The following CTNNA3 variants were observed in gnomAD, a reference collection of about 807,000 sequenced individuals.
CTNNA3 encodes catenin alpha-3.
Under a neutral mutation model 95.7 loss-of-function variants are expected in CTNNA3, and 76 were observed. The ratio of observed to expected loss-of-function variants is 0.79; its 90% CI spans 0.66 to 0.96. CTNNA3 has a LOEUF of 0.96. Ranked by LOEUF, CTNNA3 falls within the 40% of genes least tolerant of loss-of-function variation. The probability of loss-of-function intolerance (pLI) is 0.00; values close to 1 mark genes in which losing one functional copy is unlikely to be tolerated. For missense variants in CTNNA3, 1,191 were observed against 1,089.8 expected, an observed-to-expected ratio of 1.09 and a Z score of -1.31; for synonymous variants, 431 against 374.4, an observed-to-expected ratio of 1.15 and a Z score of -1.74.
At chr10:66,007,279 A>C (rs756794972) in intron 15 of CTNNA3, among the ~76,000 whole-genome samples, 7 of 152,192 alleles carry the variant, frequency 4.6e-5, no homozygotes, top group Admixed American at 3.9e-4. Flanking sequence ...AATCAGCCTT[A>C]GTTCAGACGT....
chr10:67,105,940 A>G (rs1252346611), intron 7 of CTNNA3, among the ~76,000 whole-genome samples: 2 of 152,188 alleles, frequency 1.3e-5, no homozygotes, highest in African/African-American at 4.8e-5. Flanking sequence ...ACTTAAGTTC[A>G]GTGTATTGGA....
chr10:66,678,260 T>C lies in CTNNA3; in HGVS notation c.1282-56476A>G, dbSNP rs1177810627. Among the ~76,000 whole-genome samples, 8 of 152,288 alleles carry C rather than the reference T, an allele frequency of 5.3e-5. No homozygotes were observed. The South Asian group carries it at 1.0e-3, about 20-fold the overall frequency. The stretch of plus-strand genomic sequence containing the variant: ...TCCCTGACCTAGTAGTTCCCTCATC[T>C]ATGCTTTTGTGCTCTCATAATTATC... On this transcript the variant is annotated intron_variant, in intron 9 of 17. Transcript: ENST00000433211.
At chr10:66,231,306 T>C (rs2089576996) in intron 13 of CTNNA3, among the ~76,000 whole-genome samples, 1 of 152,206 alleles carries the variant, frequency 6.6e-6, no homozygotes, top group South Asian at 2.1e-4. Context: ...TATGCATATA[T>C]GATACTATAT....
At chr10:67,249,426 G>A (rs1437247201) in intron 5 of CTNNA3, among the ~76,000 whole-genome samples, 3 of 152,138 alleles carry the variant, frequency 2.0e-5, no homozygotes, top group Non-Finnish European at 2.9e-5. Flanking sequence ...CCTATCATAC[G>A]CTTTAAATCA....
intron 13 of CTNNA3, among the ~76,000 whole-genome samples, chr10:66,210,188 T>C (rs750171684): frequency 1.3e-5 from 2 of 151,766 alleles, no homozygotes; most frequent in Non-Finnish European, 2.9e-5. Flanking sequence ...CTTTAGGCAT[T>C]AAAAATAAAC....
intron 15 of CTNNA3, among the ~76,000 whole-genome samples, chr10:65,996,665 A>T (rs947814745): frequency 6.6e-6 from 1 of 152,138 alleles, no homozygotes; most frequent in Non-Finnish European, 1.5e-5. Context: ...TATGGTCTGC[A>T]GGGGTCAAGG....
At chr10:67,716,122 T>G (rs1181147123) in intron 1 of CTNNA3, among the ~76,000 whole-genome samples, 1 of 152,150 alleles carries the variant, frequency 6.6e-6, no homozygotes, top group Non-Finnish European at 1.5e-5. Flanking sequence ...TTAAAATCAA[T>G]TCATGTTATC....
At chr10:66,107,905 G>A (rs1589423895) in intron 13 of CTNNA3, among the ~76,000 whole-genome samples, 1 of 152,214 alleles carries the variant, frequency 6.6e-6, no homozygotes, top group African/African-American at 2.4e-5. Context: ...TCAGAATTAT[G>A]TTTGAATTCT....
In CTNNA3 at chr10:66,179,383, A is replaced by G. The variant is rs1259900656; in HGVS notation, c.1885-76134T>C. Among the ~76,000 whole-genome samples the G allele has an allele frequency of 2.6e-5, 4 of 152,178 alleles. No homozygotes were observed. The East Asian group carries it at 7.7e-4, about 29-fold the overall frequency. ...TGGTTGAGGAAGGGTTGGGAGTTGG[A>G]GGGAAGTATATGTGGCTATAAAGGG... On this transcript the variant is annotated intron_variant, in intron 13 of 17. Coordinates refer to ENST00000433211, the MANE Select transcript of CTNNA3 (RefSeq NM_013266.4).
At chr10:66,893,670 A>T (rs1210813968) in intron 7 of CTNNA3, among the ~76,000 whole-genome samples, 1 of 152,152 alleles carries the variant, frequency 6.6e-6, no homozygotes, top group East Asian at 1.9e-4. Context: ...CTGTCCAGCA[A>T]ATCAATGGGG....
chr10:66,845,486 C>G (rs187267914), intron 7 of CTNNA3, among the ~76,000 whole-genome samples: 187 of 149,238 alleles, frequency 1.3e-3, no homozygotes, highest in African/African-American at 4.3e-3. Flanking sequence ...GGTGGATCAC[C>G]TGAGGTCGGG....
chr10:66,124,421 T>C (rs1361085219), intron 13 of CTNNA3, among the ~76,000 whole-genome samples: 2 of 152,192 alleles, frequency 1.3e-5, no homozygotes, highest in Non-Finnish European at 2.9e-5. Flanking sequence ...AACAAGTCTA[T>C]AGGGTGTTCT....
intron 3 of CTNNA3, among the ~76,000 whole-genome samples, chr10:67,557,752 G>T (rs1841310973): frequency 6.6e-6 from 1 of 152,164 alleles, no homozygotes; most frequent in African/African-American, 2.4e-5. Flanking sequence ...GAAAAGCCAG[G>T]TTTGAATGAT....
At chr10:66,204,556 G>T (rs1401393091) in intron 13 of CTNNA3, among the ~76,000 whole-genome samples, 1 of 152,130 alleles carries the variant, frequency 6.6e-6, no homozygotes, top group Non-Finnish European at 1.5e-5. Flanking sequence ...CCAGCCTTCA[G>T]CTCCAGACGT....
chr10:66,274,592 T>C (rs2091352533), intron 13 of CTNNA3, among the ~76,000 whole-genome samples: 1 of 152,206 alleles, frequency 6.6e-6, no homozygotes, highest in Non-Finnish European at 1.5e-5. Flanking sequence ...CCCTAATTTG[T>C]AATTTGGTAT....
intron 11 of CTNNA3, among the ~76,000 whole-genome samples, chr10:66,439,041 C>T (rs1392613470): frequency 6.6e-6 from 1 of 152,048 alleles, no homozygotes; most frequent in Non-Finnish European, 1.5e-5. Flanking sequence ...TAACCAGTCC[C>T]AATGAGATGA....
chr10:66,768,674 T>A (rs374093206), intron 8 of CTNNA3, among the ~76,000 whole-genome samples: 2 of 152,200 alleles, frequency 1.3e-5, no homozygotes, highest in African/African-American at 4.8e-5. Flanking sequence ...AGAAAGGTAT[T>A]GAAGGAAATG....
chr10:66,885,923 G>A (rs1236396934), intron 7 of CTNNA3, among the ~76,000 whole-genome samples: 4 of 152,034 alleles, frequency 2.6e-5, no homozygotes, highest in African/African-American at 9.7e-5. Flanking sequence ...CTGGATAACT[G>A]CCCAACCAAC....
intron 17 of CTNNA3, among the ~76,000 whole-genome samples, chr10:65,934,630 G>T (rs2077307358): frequency 6.6e-6 from 1 of 152,102 alleles, no homozygotes; most frequent in African/African-American, 2.4e-5. Context: ...TAAAAACAGT[G>T]TTTGTAGGTA....
Sources: gnomAD v4.1 joint callset for allele counts (sites outside exome capture counted in the v4.1 genomes callset) on GRCh38, gnomAD v4.1.1 for gene constraint, MANE v1.5 for transcripts, NCBI Gene and HGNC (gene_info 2026-07-23, HGNC 2026-07-21) for gene names.